TEX2: variants seen among roughly 807,000 people sequenced by gnomAD.
TEX2 encodes the protein testis-expressed protein 2.
In TEX2, 53 loss-of-function variants were observed where a neutral mutation model predicts 106.9. The ratio of observed to expected loss-of-function variants is 0.50; its 90% CI spans 0.40 to 0.62. The LOEUF is 0.62. Ranked by LOEUF, TEX2 falls within the 20% of genes least tolerant of loss-of-function variation. The pLI, the probability that TEX2 is intolerant of heterozygous loss-of-function variation, is 0.00. For missense variants in TEX2, 1,207 were observed against 1,379.0 expected, an observed-to-expected ratio of 0.88 and a Z score of 1.98; for synonymous variants, 523 against 534.8, an observed-to-expected ratio of 0.98 and a Z score of 0.30.
intron 1 of TEX2, among the ~76,000 whole-genome samples, chr17:64,249,208 A>C (rs2034046042): frequency 6.6e-6 from 1 of 152,188 alleles, no homozygotes; most frequent in Admixed American, 6.5e-5. Flanking sequence ...CGTTCAAAAA[A>C]ATTCCTTTTT....
At chr17:64,226,959 G>T (rs1257823604) in intron 1 of TEX2, among the ~76,000 whole-genome samples, 1 of 152,112 alleles carries the variant, frequency 6.6e-6, no homozygotes, top group Non-Finnish European at 1.5e-5. Flanking sequence ...TGGGCACGGG[G>T]GCTCACGCCT....
chr17:64,175,397 A>G (rs138481008), intron 6 of TEX2, among the ~76,000 whole-genome samples: 1 of 152,290 alleles, frequency 6.6e-6, no homozygotes, highest in East Asian at 1.9e-4. Flanking sequence ...TGACCTCAAA[A>G]AACAAAAGGA....
Position 64,195,006 on chromosome 17 carries a change from G to T in TEX2, c.1734C>A (p.Thr578=), listed in dbSNP as rs1195899492. ...TTTTATTGGGCTTTGAAAGTCTTAA[G>T]GTTCCACCCTCAAGTCGAACAAAGA... is the stretch of plus-strand genomic sequence containing the variant. The part of the protein sequence containing the change: ...HSVFVRLEGG[T]LRLSKPNKNI... Residue 578 remains threonine, a synonymous_variant, in exon 3 of 12, where the codon ACC becomes ACA. Transcript: ENST00000584379. This position sits in a 1 kb window ranked among gnomAD's most constrained non-coding sequence, Gnocchi z 4.1. 6.2e-7 allele frequency: 1 copy of T among 1,614,106 alleles called. No homozygotes were observed. Among genetic ancestry groups the T allele is most frequent in the Non-Finnish European group, 8.5e-7 (1 of 1,180,010 alleles).
rs1481230364 is a variant in TEX2, at chr17:64,181,474, A to T, written c.2425-4003T>A. 3.3e-3 allele frequency among the ~76,000 whole-genome samples: 28 copies of T among 8,408 alleles called. 2 individuals carry two copies. Among genetic ancestry groups the T allele is most frequent in the Admixed American group, 6.0e-3 (3 of 496 alleles). The allele number at this position is 8,408 out of a possible 152,430, so 5.5% of individuals were successfully genotyped here. A position where few individuals can be genotyped will look rare whatever the true frequency, so the allele number is the denominator to read the frequency against. On this transcript the variant is annotated intron_variant, in intron 5 of 11. Transcript: ENST00000584379. Reference sequence around the variant, plus strand: ...CTGGCCACAGAGCAAGGCTATCTCAAAAAAAAAAAAAAAAAAAAAAAAAAG... The same window carrying T: ...CTGGCCACAGAGCAAGGCTATCTCATAAAAAAAAAAAAAAAAAAAAAAAAG...
chr17:64,222,274 A>G (rs955711351), intron 1 of TEX2, among the ~76,000 whole-genome samples: 3 of 152,094 alleles, frequency 2.0e-5, no homozygotes, highest in Non-Finnish European at 4.4e-5. Context: ...TAATCTCAGC[A>G]CTTTGGGAGG....
chr17:64,257,020 T>G (rs1311928638), intron 1 of TEX2, among the ~76,000 whole-genome samples: 2 of 152,198 alleles, frequency 1.3e-5, no homozygotes, highest in East Asian at 3.9e-4. Flanking sequence ...GCAGGAGCAA[T>G]CCAACGGGTA....
chr17:64,174,492 C>A (rs1401741371), intron 6 of TEX2, among the ~76,000 whole-genome samples: 5 of 152,308 alleles, frequency 3.3e-5, no homozygotes, highest in East Asian at 1.9e-4. Context: ...CACTCATATA[C>A]TCCCCTCCTA....
rs201046176 is a variant in TEX2, at chr17:64,183,010, A to G, written c.2424+5158T>C. Among the ~76,000 whole-genome samples, 27 of 151,514 alleles carry G rather than the reference A, an allele frequency of 1.8e-4. No individual in the cohort carries two copies. The East Asian group carries it at 2.9e-3, about 16-fold the overall frequency. On this transcript the variant is annotated intron_variant, in intron 5 of 11. Coordinates refer to ENST00000584379, the MANE Select transcript of TEX2 (RefSeq NM_001288732.2). ...AACCTATGCCTCCTGAGTTCAAGCC[A>G]TTCTTGTGCCTCAGCCTCCCGAGTA...
chr17:64,152,390 C>G (rs2030401905), intron 10 of TEX2, among the ~76,000 whole-genome samples: 1 of 152,158 alleles, frequency 6.6e-6, no homozygotes, highest in Non-Finnish European at 1.5e-5. Context: ...TTTTAACATG[C>G]AGCTGGGGCT....
intron 1 of TEX2, among the ~76,000 whole-genome samples, chr17:64,216,509 T>C (rs182064114): frequency 6.6e-6 from 1 of 152,258 alleles, no homozygotes; most frequent in Admixed American, 6.5e-5. Flanking sequence ...AAGTACAAAG[T>C]GCATGATTTT....
At chr17:64,201,527 A>G (rs1057035056) in intron 2 of TEX2, among the ~76,000 whole-genome samples, 2 of 152,192 alleles carry the variant, frequency 1.3e-5, no homozygotes, top group African/African-American at 4.8e-5. Flanking sequence ...TACAGGTAAG[A>G]AAAGTGGTGA....
At chr17:64,237,663 G>A (rs1555635271) in intron 1 of TEX2, among the ~76,000 whole-genome samples, 10 of 152,086 alleles carry the variant, frequency 6.6e-5, no homozygotes, top group Non-Finnish European at 2.9e-5. Context: ...TAAGGAAGAA[G>A]GTGTTCTTAA....
intron 5 of TEX2, among the ~76,000 whole-genome samples, chr17:64,179,088 G>A (rs940673642): frequency 6.6e-6 from 1 of 152,224 alleles, no homozygotes; most frequent in African/African-American, 2.4e-5. Context: ...GCTGAGAGGT[G>A]AGGCCAGCTA....
At chr17:64,180,280 C>T (rs1427611044) in intron 5 of TEX2, among the ~76,000 whole-genome samples, 2 of 152,192 alleles carry the variant, frequency 1.3e-5, no homozygotes, top group Non-Finnish European at 2.9e-5. Context: ...CCTTTCTTTA[C>T]AACCCTAGTT....
Position 64,185,313 on chromosome 17 carries a change from C to T in TEX2, c.2424+2855G>A, listed in dbSNP as rs2032032803. ...GAGGACAGGAACCATGGCCTCTCTC[C>T]CAGGCAGGCAATGCAGGGCACACAG... On this transcript the variant is annotated intron_variant, in intron 5 of 11. Transcript: ENST00000584379. The surrounding 1 kb of genome is among the most constrained non-coding windows in gnomAD (Gnocchi z 4.0). Among the ~76,000 whole-genome samples the T allele has an allele frequency of 6.6e-6, 1 of 152,166 alleles. No individual in the cohort carries two copies. The highest frequency in any genetic ancestry group is 2.1e-4 in the South Asian group (1 of 4,832).
At chr17:64,216,355 G>C (rs1443353876) in intron 1 of TEX2, among the ~76,000 whole-genome samples, 1 of 152,024 alleles carries the variant, frequency 6.6e-6, no homozygotes, top group Admixed American at 6.6e-5. Context: ...AGAAAAGTTT[G>C]GTATTTGATA....
chr17:64,163,802 C>T (rs1365760722), intron 7 of TEX2, among the ~76,000 whole-genome samples: 1 of 152,218 alleles, frequency 6.6e-6, no homozygotes, highest in African/African-American at 2.4e-5. Flanking sequence ...CCCATGAGCA[C>T]CATCTTCCAC....
At chr17:64,191,913 A>AATATT (rs1567930621) in intron 4 of TEX2, among the ~76,000 whole-genome samples, 1 of 152,148 alleles carries the variant, frequency 6.6e-6, no homozygotes, top group Non-Finnish European at 1.5e-5. Flanking sequence ...ATATATCTAA[A>AATATT]ATATTATTTC....
At chr17:64,196,706 AGTAC>A (rs1555629340) in intron 2 of TEX2, among the ~76,000 whole-genome samples, 1 of 152,216 alleles carries the variant, frequency 6.6e-6, no homozygotes, top group African/African-American at 2.4e-5. Context: ...TGTAGAACTA[AGTAC>A]TTTCTTTGGC....
Sources: gnomAD v4.1 joint callset for allele counts (sites outside exome capture counted in the v4.1 genomes callset) on GRCh38, gnomAD v4.1.1 for gene constraint, Gnocchi (gnomAD v3.1) non-coding constraint, MANE v1.5 for transcripts, NCBI Gene and HGNC (gene_info 2026-07-23, HGNC 2026-07-21) for gene names.